The following SOS1 variants were observed in gnomAD, a reference collection of about 807,000 sequenced individuals.
SOS1 encodes the protein son of sevenless homolog 1.
In SOS1, 25 loss-of-function variants were observed where a neutral mutation model predicts 157.6. The ratio of observed to expected loss-of-function variants is 0.16; its 90% CI spans 0.12 to 0.22. The LOEUF is 0.22. Ranked by LOEUF, SOS1 falls within the 10% of genes least tolerant of loss-of-function variation. The pLI is 1.00. For synonymous variants in SOS1, 528 were observed against 534.0 expected, an observed-to-expected ratio of 0.99 and a Z score of 0.16; for missense variants, 1,237 against 1,599.1, an observed-to-expected ratio of 0.77 and a Z score of 3.86.
At chr2:39,046,021 T>C (rs941389978) in intron 6 of SOS1, among the ~76,000 whole-genome samples, 8 of 152,220 alleles carry the variant, frequency 5.3e-5, no homozygotes, top group Non-Finnish European at 1.0e-4. Context: ...CTAAAGTGAA[T>C]TTTTAAAAAT....
intron 11 of SOS1, 135 bp from the exon 12 acceptor site, chr2:39,014,124 G>A: frequency 3.1e-6 from 2 of 639,500 alleles, no homozygotes; most frequent in Middle Eastern, 4.2e-4. Context: ...GCATATCAGT[G>A]TAAACAAGTG....
At chr2:39,040,006 TA>T (rs1415030729) in intron 6 of SOS1, among the ~76,000 whole-genome samples, 1 of 152,006 alleles carries the variant, frequency 6.6e-6, no homozygotes, top group African/African-American at 2.4e-5. Flanking sequence ...CACCCCCTTT[TA>T]TTTTTTTATT....
intron 3 of SOS1, 143 bp from the exon 4 acceptor site, chr2:39,057,009 G>A: frequency 7.4e-6 from 5 of 672,614 alleles, no homozygotes; most frequent in South Asian, 1.7e-5. Context: ...AATTGTAAGT[G>A]GTTCAACAAT....
chr2:39,090,936 T>C (rs147599543), intron 1 of SOS1, among the ~76,000 whole-genome samples: 127 of 152,236 alleles, frequency 8.3e-4, no homozygotes, highest in African/African-American at 2.6e-3. Context: ...TGTTGCGATT[T>C]TGGCTCACTG....
At chr2:39,089,823 TA>T (rs1672517899) in intron 1 of SOS1, among the ~76,000 whole-genome samples, 1 of 151,786 alleles carries the variant, frequency 6.6e-6, no homozygotes, top group Admixed American at 6.6e-5. Context: ...TTTATTGAAA[TA>T]ATCTATTTAC....
At chr2:39,102,038 T>A (rs1163486316) in intron 1 of SOS1, among the ~76,000 whole-genome samples, 1 of 150,494 alleles carries the variant, frequency 6.6e-6, no homozygotes, top group Non-Finnish European at 1.5e-5. Flanking sequence ...AAACCCCATC[T>A]CTACTAAAAA....
intron 2 of SOS1, among the ~76,000 whole-genome samples, chr2:39,066,059 C>A (rs1199117028): frequency 6.6e-6 from 1 of 152,190 alleles, no homozygotes; most frequent in African/African-American, 2.4e-5. Context: ...AGCAGTTTCT[C>A]ATTGGATATG....
rs1671014218 is a variant in SOS1 at position 39,051,461 on chromosome 2, G to A, written c.721-174C>T. 12 of 600,966 alleles carry A rather than the reference G, an allele frequency of 2.0e-5. No homozygotes were observed. In the South Asian group the frequency reaches 2.3e-4, roughly 12 times the overall value. 37.2% of individuals were successfully genotyped at this position (600,966 alleles called of 1,614,324 possible). A position where few individuals can be genotyped will look rare whatever the true frequency, so the allele number is the denominator to read the frequency against. On this transcript the variant is annotated intron_variant, in intron 5 of 22. Transcript: ENST00000402219. ...CAATTCAAGAATTCCTTCTGCAAAG[G>A]TGTACAATTTGCAAATACATTTCTC...
intron 22 of SOS1, 50 bp from the exon 23 acceptor site, chr2:38,986,365 T>C (rs1418361678): frequency 6.7e-7 from 1 of 1,486,024 alleles, no homozygotes; most frequent in East Asian, 2.5e-5. Context: ...ATTTATGAAG[T>C]ATCATGACTA....
At chr2:39,035,844 T>G (rs116259655) in intron 6 of SOS1, among the ~76,000 whole-genome samples, 1 of 152,140 alleles carries the variant, frequency 6.6e-6, no homozygotes, top group Non-Finnish European at 1.5e-5. Context: ...AATATAGATA[T>G]GTACAACTAG....
intron 1 of SOS1, among the ~76,000 whole-genome samples, chr2:39,094,895 C>T (rs1052986226): frequency 6.6e-6 from 1 of 152,154 alleles, no homozygotes; most frequent in South Asian, 2.1e-4. Context: ...ACCAAAACCA[C>T]AAGCCATAAA....
chr2:38,982,224 C>T lies in SOS1; in HGVS notation c.*3600G>A, dbSNP rs1335498048. 6.6e-6 allele frequency: 1 copy of T among 152,068 alleles called. No individual in the cohort carries two copies. Among genetic ancestry groups the T allele is most frequent in the Non-Finnish European group, 1.5e-5 (1 of 68,006 alleles). The allele number at this position is 152,068 out of a possible 1,614,324, so 9.4% of individuals were successfully genotyped here. A position where few individuals can be genotyped will look rare whatever the true frequency, so the allele number is the denominator to read the frequency against. On this transcript the variant is annotated 3_prime_UTR_variant, in exon 23 of 23. Transcript: ENST00000402219. Reference sequence around the variant, plus strand: ...CGACAGAAAATGCACTTTACGGTGTCAAAAATGGAAAATAAGGCATGGAAT... The same window carrying T: ...CGACAGAAAATGCACTTTACGGTGTTAAAAATGGAAAATAAGGCATGGAAT...
At chr2:39,083,508 G>A (rs1672277707) in intron 1 of SOS1, among the ~76,000 whole-genome samples, 1 of 152,178 alleles carries the variant, frequency 6.6e-6, no homozygotes, top group African/African-American at 2.4e-5. Context: ...AGAAGAATAT[G>A]AATAGAGTAG....
Position 39,022,922 on chromosome 2 carries a change from A to G in SOS1, c.1506T>C (p.Asn502=), listed in dbSNP as rs780808925. The change falls in exon 10 of 23, where the codon AAT becomes AAC. Residue 502 remains asparagine, a synonymous_variant. Transcript: ENST00000402219. The stretch of plus-strand genomic sequence containing the variant: ...TGTATTCATTGGTGTCATCTTTATC[A>G]TTAATTTGTACCTTTCGCATAAAAA... ...EKFFMRKVQI[N]DKDDTNEYKH... The G allele has an allele frequency of 6.2e-7, 1 of 1,613,026 alleles. No individual in the cohort carries two copies. The highest frequency in any genetic ancestry group is 8.5e-7 in the Non-Finnish European group (1 of 1,179,166).
intron 1 of SOS1, among the ~76,000 whole-genome samples, chr2:39,074,270 A>C (rs1304733538): frequency 1.3e-5 from 2 of 151,856 alleles, no homozygotes; most frequent in African/African-American, 4.8e-5. Flanking sequence ...GAATCGCTTG[A>C]ACCCGGGAGG....
chr2:39,122,120 G>C (rs1488517475), upstream of SOS1, among the ~76,000 whole-genome samples: 1 of 152,128 alleles, frequency 6.6e-6, no homozygotes, highest in African/African-American at 2.4e-5. Context: ...ACAACTCTTA[G>C]GTTATTTCCT....
chr2:38,995,159 C>T lies in SOS1; in HGVS notation c.3310G>A (p.Val1104Ile). ...GGGCTCGAATGATCGGAATCAAATA[C>T]ACTGCAAACATCTGTGGTACTGGAA... is the stretch of plus-strand genomic sequence containing the variant. ...GASSTTDVCS[V>I]FDSDHSSPFH... The change falls in exon 20 of 23, where the codon GTA (valine) becomes ATA (isoleucine). Residue 1104 changes from valine (V) to isoleucine (I), a missense_variant. By Grantham distance (29) the Val-to-Ile change is conservative (BLOSUM62 3). Around this residue, in one of 15 missense-constraint regions of SOS1, gnomAD observed 306 missense variants for 322.6 expected, o/e 0.95. Transcript: ENST00000402219. 1 of 1,614,018 alleles carries T rather than the reference C, an allele frequency of 6.2e-7. No individual in the cohort carries two copies. The highest frequency in any genetic ancestry group is 8.5e-7 in the Non-Finnish European group (1 of 1,179,934).
intron 6 of SOS1, among the ~76,000 whole-genome samples, chr2:39,048,412 T>C (rs565433316): frequency 6.6e-6 from 1 of 152,290 alleles, no homozygotes; most frequent in South Asian, 2.1e-4. Context: ...TCTTTTTTTT[T>C]TTCTTTAAGA....
chr2:39,035,461 T>C lies in SOS1; in HGVS notation c.904A>G (p.Ile302Val). Residue 302 changes from isoleucine (I) to valine (V), a missense_variant, in exon 7 of 23, where the codon ATT (isoleucine) becomes GTT (valine). This residue lies in a region of SOS1 where 101 missense variants were observed against 171.5 expected (regional missense o/e 0.59). Transcript: ENST00000402219. ...FDPYESYARD[I>V]LRPGFHDRFL... is the part of the protein sequence containing the mutation. ...CGATCATGAAAACCAGGTCGCAAAA[T>C]ATCTCGAGCATACGATTCATATGGA... 1 of 1,613,726 alleles carries C rather than the reference T, an allele frequency of 6.2e-7. No individual in the cohort carries two copies. Among genetic ancestry groups the C allele is most frequent in the Non-Finnish European group, 8.5e-7 (1 of 1,179,726 alleles).
Sources: gnomAD v4.1 joint callset for allele counts (sites outside exome capture counted in the v4.1 genomes callset) on GRCh38, gnomAD v4.1.1 for gene constraint, gnomAD v4.1.1 regional missense constraint, MANE v1.5 for transcripts, NCBI Gene and HGNC (gene_info 2026-07-23, HGNC 2026-07-21) for gene names.